The following NAALADL2 variants were observed in gnomAD, a reference collection of about 807,000 sequenced individuals.
NAALADL2 encodes the protein inactive N-acetylated-alpha-linked acidic dipeptidase-like protein 2.
In NAALADL2, 76 loss-of-function variants were observed where a neutral mutation model predicts 87.2. The observed-to-expected ratio is 0.87, with a 90% CI of 0.72 to 1.05. The LOEUF (loss-of-function observed/expected upper bound fraction) is 1.05. NAALADL2 is among the 50% of genes least tolerant of loss of function. The pLI is 0.00. For synonymous variants in NAALADL2, 354 were observed against 331.0 expected (o/e 1.07, Z -0.75); for missense variants, 1,089 against 945.8 (o/e 1.15, Z -1.99).
chr3:175,363,893 T>C (rs1196646927), intron 5 of NAALADL2, among the ~76,000 whole-genome samples: 2 of 148,092 alleles, frequency 1.4e-5, no homozygotes, highest in East Asian at 2.0e-4. Flanking sequence ...TATTGAACTA[T>C]CCTGTGTATT....
intron 3 of NAALADL2, among the ~76,000 whole-genome samples, chr3:174,819,344 C>T (rs1280002840): frequency 6.6e-6 from 1 of 151,790 alleles, no homozygotes; most frequent in East Asian, 1.9e-4. Context: ...GGATTACAAG[C>T]ATGAGCCATT....
chr3:174,984,642 T>A (rs1213503652), intron 1 of NAALADL2, among the ~76,000 whole-genome samples: 1 of 152,168 alleles, frequency 6.6e-6, no homozygotes, highest in African/African-American at 2.4e-5. Context: ...CAGATTGATA[T>A]CAATTTTTTT....
At chr3:175,781,120 C>T (rs541433574) in intron 13 of NAALADL2, among the ~76,000 whole-genome samples, 328 of 152,090 alleles carry the variant, frequency 2.2e-3, no homozygotes, top group Middle Eastern at 0.01. Flanking sequence ...AAAATGAAAC[C>T]GTAAATAAAG....
intron 5 of NAALADL2, among the ~76,000 whole-genome samples, chr3:175,405,124 G>A (rs1412742858): frequency 6.6e-6 from 1 of 152,096 alleles, no homozygotes; most frequent in Non-Finnish European, 1.5e-5. Flanking sequence ...AGCTGCACAT[G>A]TCTATATTAG....
intron 1 of NAALADL2, among the ~76,000 whole-genome samples, chr3:174,510,439 G>A (rs1719524470): frequency 6.6e-6 from 1 of 151,844 alleles, no homozygotes; most frequent in African/African-American, 2.4e-5. Flanking sequence ...ATGGTTATTT[G>A]TATTATCTAT....
chr3:175,802,984 A>G (rs1283354258), intron 13 of NAALADL2, 21 bp from the exon 14 acceptor site: 1 of 1,540,736 alleles, frequency 6.5e-7, no homozygotes, highest in African/African-American at 1.4e-5. Context: ...AAACATTTAT[A>G]CATTTTGTAT....
intron 9 of NAALADL2, among the ~76,000 whole-genome samples, chr3:175,551,421 G>T (rs1714338290): frequency 1.3e-5 from 2 of 152,034 alleles, no homozygotes; most frequent in African/African-American, 4.8e-5. Context: ...ATGTCAATTG[G>T]ATATATAAAA....
At chr3:175,794,728 T>C (rs1198715726) in intron 13 of NAALADL2, among the ~76,000 whole-genome samples, 1 of 152,216 alleles carries the variant, frequency 6.6e-6, no homozygotes, top group Non-Finnish European at 1.5e-5. Flanking sequence ...TAATTATAAA[T>C]GCAAACAGAC....
chr3:174,691,156 A>G (rs891447145), intron 2 of NAALADL2, among the ~76,000 whole-genome samples: 4 of 152,192 alleles, frequency 2.6e-5, no homozygotes, highest in African/African-American at 9.7e-5. Flanking sequence ...TTATGCCTGT[A>G]ATCCCAGCAC....
At chr3:175,154,767 A>C (rs1240772754) in intron 2 of NAALADL2, among the ~76,000 whole-genome samples, 1 of 152,188 alleles carries the variant, frequency 6.6e-6, no homozygotes, top group Non-Finnish European at 1.5e-5. Flanking sequence ...GTGAAGAATT[A>C]AGAATATAGA....
intron 1 of NAALADL2, among the ~76,000 whole-genome samples, chr3:175,036,804 CTTTTTTTTT>C (rs10662446): frequency 4.3e-5 from 5 of 117,360 alleles, no homozygotes; most frequent in Admixed American, 9.1e-5. Flanking sequence ...TCCATCTGTT[CTTTTTTTTT>C]TTTTTTTTTT....
At chr3:174,844,717 C>CTTAAGT (rs112016164) in intron 3 of NAALADL2, among the ~76,000 whole-genome samples, 52,564 of 150,064 alleles carry the variant, frequency 0.35, 9,317 homozygotes, top group East Asian at 0.48. Context: ...TACTTCCTTG[C>CTTAAGT]TTATTTTCTT....
chr3:175,387,624 AT>A (rs1768557097), intron 5 of NAALADL2, among the ~76,000 whole-genome samples: 1 of 152,140 alleles, frequency 6.6e-6, no homozygotes, highest in African/African-American at 2.4e-5. Flanking sequence ...TTGAAAAGTA[AT>A]GTAAAAGAAT....
chr3:175,379,242 G>T lies in NAALADL2; in HGVS notation c.1090+54917G>T, dbSNP rs549017552. Among the ~76,000 whole-genome samples, 46 of 147,890 alleles carry T rather than the reference G, an allele frequency of 3.1e-4. 1 individual carries two copies. In the South Asian group the frequency reaches 9.1e-3, roughly 29 times the overall value. On this transcript the variant is annotated intron_variant, in intron 5 of 13. Coordinates refer to ENST00000454872, the MANE Select transcript of NAALADL2 (RefSeq NM_207015.3). The stretch of plus-strand genomic sequence containing the variant: ...AGTCTTCTTTCATTATTTTCAGTTA[G>T]CTCATAGGCATGTTGTGAAAAATAA...
At position 174,588,324 on chromosome 3, in the gene NAALADL2, T is replaced by C. The variant is rs541900830; in HGVS notation, c.-115+37687T>C. On this transcript the variant is annotated intron_variant, in intron 2 of 3. Coordinates refer to the NAALADL2 transcript ENST00000434257. ...TGTGATGGGTTCGAACATCCTCCTT[T>C]AGCTCGGAGAAGTTTGTTATTACCG... Among the ~76,000 whole-genome samples, 15 of 152,332 alleles carry C rather than the reference T, an allele frequency of 9.8e-5. No individual in the cohort carries two copies. The South Asian group carries it at 3.1e-3, about 32-fold the overall frequency.
At position 175,755,851 on chromosome 3, in the gene NAALADL2, A is replaced by G. The variant is rs184789588; in HGVS notation, c.2189+433A>G. On this transcript the variant is annotated intron_variant, in intron 13 of 13. Transcript: ENST00000454872. ...TTGGAGTTCAACAAGTTTAATATTTAGGGGAAAGTGGGATTTAGATCGATG... is the reference window on the plus strand; with the variant it reads ...TTGGAGTTCAACAAGTTTAATATTTGGGGGAAAGTGGGATTTAGATCGATG... 8.5e-5 allele frequency among the ~76,000 whole-genome samples: 13 copies of G among 152,272 alleles called. No homozygotes were observed. In the East Asian group the frequency reaches 2.5e-3, roughly 29 times the overall value.
intron 9 of NAALADL2, among the ~76,000 whole-genome samples, chr3:175,496,812 G>A (rs1257076357): frequency 2.0e-5 from 3 of 151,676 alleles, no homozygotes; most frequent in South Asian, 2.1e-4. Flanking sequence ...CACCTGCCTC[G>A]GCCTCCCAAA....
chr3:174,455,038 CAG>C (rs1424634721), intron 1 of NAALADL2, among the ~76,000 whole-genome samples: 1 of 150,504 alleles, frequency 6.6e-6, no homozygotes, highest in African/African-American at 2.4e-5. Context: ...TTAGAAATGA[CAG>C]AGGGGATATT....
intron 11 of NAALADL2, among the ~76,000 whole-genome samples, chr3:175,686,540 TAATACTCTTTTAGGTAAAG>T (rs1288366400): frequency 1.3e-5 from 2 of 152,260 alleles, no homozygotes; most frequent in Non-Finnish European, 2.9e-5. Context: ...ACATACATAT[TAATACTCTTTTAGGTAAAG>T]AATTAAAAGT....
Sources: gnomAD v4.1 joint callset for allele counts (sites outside exome capture counted in the v4.1 genomes callset) on GRCh38, gnomAD v4.1.1 for gene constraint, MANE v1.5 for transcripts, NCBI Gene and HGNC (gene_info 2026-07-23, HGNC 2026-07-21) for gene names.